The following LRRC45 variants were observed in gnomAD, a reference collection of about 807,000 sequenced individuals.
LRRC45 encodes the protein leucine rich repeat containing 45.
A neutral mutation model predicts 85.4 loss-of-function variants in LRRC45; 73 were observed. The ratio of observed to expected loss-of-function variants is 0.85; its 90% confidence interval spans 0.71 to 1.04. The LOEUF (loss-of-function observed/expected upper bound fraction) is 1.04. LRRC45 is among the 50% of genes least tolerant of loss of function. LRRC45 has a pLI of 0.00. For missense variants in LRRC45, 937 were observed against 883.3 expected (o/e 1.06, Z -0.77); for synonymous variants, 429 against 386.0 (o/e 1.11, Z -1.31).
At chr17:82,025,665 G>C (rs1422271478) in intron 5 of LRRC45, among the ~76,000 whole-genome samples, 158 bp downstream of exon 5, 2 of 152,246 alleles carry the variant, frequency 1.3e-5, no homozygotes, top group Non-Finnish European at 2.9e-5. Context: ...GCACCTGTTT[G>C]GCACTTGAAT....
rs1424505645 is a variant in LRRC45, at chr17:82,030,163, C to G, written c.1593C>G (p.Ala531=). The G allele has an allele frequency of 1.3e-6, 2 of 1,546,890 alleles. No individual in the cohort carries two copies. The highest frequency in any genetic ancestry group is 1.7e-6 in the Non-Finnish European group (2 of 1,145,768). ...GCCTACAGCAGAAGCAGGTGGTGGC[C>G]GAGGCCCAGACCCGGGTCAGCCAGC... ...GACLQQKQVV[A]EAQTRVSQLG... is the part of the protein sequence containing the mutation. The change falls in exon 15 of 17, where the codon GCC becomes GCG. Residue 531 remains alanine (A), a synonymous_variant. Transcript: ENST00000306688.
At position 82,024,078 on chromosome 17, in the gene LRRC45, T is replaced by G. The variant is rs550161671; in HGVS notation, c.221-200T>G. 7 of 736,216 alleles carry G rather than the reference T, an allele frequency of 9.5e-6. No individual in the cohort carries two copies. The South Asian group carries it at 1.1e-4, about 12-fold the overall frequency. 45.6% of individuals were successfully genotyped at this position (736,216 alleles called of 1,614,324 possible). On this transcript the variant is annotated intron_variant, in intron 1 of 16. Coordinates refer to ENST00000306688, the MANE Select transcript of LRRC45 (RefSeq NM_144999.4). ...TCGCGGTCTTACCTGGTTCCCCGCG[T>G]GCAGAGCCGGCTTGGTGCCTGGCAG... is the stretch of plus-strand genomic sequence containing the variant.
chr17:82,027,918 G>T, intron 8 of LRRC45, 93 bp from the exon 9 acceptor site: 1 of 1,531,680 alleles, frequency 6.5e-7, no homozygotes, highest in Admixed American at 1.9e-5. Flanking sequence ...GGCTGGGGTT[G>T]ACTAGGTGCC....
chr17:82,026,886 G>A lies in LRRC45; in HGVS notation c.662-13G>A. On this transcript the variant is annotated splice_polypyrimidine_tract_variant and intron_variant, in intron 5 of 16. Transcript: ENST00000306688. ...TGAGCCCCTGTGCCCAGCTGACACAGCTCCTTCTGCAGAGCAAGCCATGGG... is the reference window on the plus strand; with the variant it reads ...TGAGCCCCTGTGCCCAGCTGACACAACTCCTTCTGCAGAGCAAGCCATGGG... The A allele has an allele frequency of 6.3e-7, 1 of 1,591,900 alleles. No individual in the cohort carries two copies. Among genetic ancestry groups the A allele is most frequent in the Non-Finnish European group, 8.5e-7 (1 of 1,172,722 alleles).
In LRRC45 at chr17:82,028,566, GC is replaced by G. The variant is rs1267239371; in HGVS notation, c.1238-42del. ...TGGGGATGGGCACCGGGGGACGGGG[GC>G]CCCCAGGGGATGCTCACGCATACTC... On this transcript the variant is annotated intron_variant, in intron 11 of 16. Coordinates refer to ENST00000306688, the MANE Select transcript of LRRC45 (RefSeq NM_144999.4). 1.9e-6 allele frequency: 3 copies of G among 1,611,800 alleles called. No individual in the cohort carries two copies. In the African/African-American group the frequency reaches 4.0e-5, roughly 21 times the overall value.
chr17:82,027,484 G>A (rs2043378794), intron 7 of LRRC45, 40 bp downstream of exon 7: 1 of 1,611,788 alleles, frequency 6.2e-7, no homozygotes, highest in Non-Finnish European at 8.5e-7. Context: ...AGGCTTCAGG[G>A]ATCAGGTCCT....
chr17:82,024,929 C>T (rs1410300411), intron 3 of LRRC45, 71 bp from the exon 4 acceptor site: 15 of 1,459,212 alleles, frequency 1.0e-5, no homozygotes, highest in Middle Eastern at 1.8e-4. Context: ...AGCCCACACC[C>T]GTCCCCAAGC....
At chr17:82,028,538 G>A (rs1290622504) in intron 11 of LRRC45, 30 bp downstream of exon 11, 1 of 1,611,678 alleles carries the variant, frequency 6.2e-7, no homozygotes, top group Non-Finnish European at 8.5e-7. Context: ...CTGTGGAGGG[G>A]CCTGGGGATG....
At chr17:82,024,877 C>A in intron 3 of LRRC45, 114 bp downstream of exon 3, 2 of 1,440,338 alleles carry the variant, frequency 1.4e-6, no homozygotes, top group South Asian at 2.9e-5. Context: ...GTTTCACATA[C>A]GTTGGCAGGG....
At chr17:82,024,161 AG>A in intron 1 of LRRC45, 116 bp from the exon 2 acceptor site, 1 of 1,227,578 alleles carries the variant, frequency 8.1e-7, no homozygotes, top group Non-Finnish European at 1.1e-6. Context: ...GCGCCAACCC[AG>A]ACCATCGGGA....
chr17:82,029,569 A>ACG lies in LRRC45; in HGVS notation c.1429_1430insGC (p.Leu477ArgfsTer12). 6.3e-7 allele frequency: 1 copy of ACG among 1,577,676 alleles called. No individual in the cohort carries two copies. The highest frequency in any genetic ancestry group is 1.2e-5 in the South Asian group (1 of 86,048). ...AGCTGAGCCGAGTGAAAGCAGCGGC[A>ACG]CTCAGCGAGCGTGGCCAGGCTGAGG... On this transcript the variant is annotated frameshift_variant, in exon 14 of 17. Transcript: ENST00000306688. LOFTEE classifies it high-confidence loss of function.
rs182249942 is a variant in LRRC45 at position 82,023,547 on chromosome 17, G to T, written c.-97G>T. The stretch of plus-strand genomic sequence containing the variant: ...CTCCGCCCGGGTCGGCGGAGGCCCC[G>T]TCTCCTGTACCCGGCGCTGGGACTG... On this transcript the variant is annotated 5_prime_UTR_variant, in exon 1 of 17. Transcript: ENST00000306688. 9.2e-5 allele frequency: 107 copies of T among 1,161,082 alleles called. No homozygotes were observed. In the African/African-American group the frequency reaches 1.6e-3, roughly 18 times the overall value. The allele number at this position is 1,161,082 out of a possible 1,614,324, so 71.9% of individuals were successfully genotyped here. A position where few individuals can be genotyped will look rare whatever the true frequency, so the allele number is the denominator to read the frequency against.
intron 1 of LRRC45, 22 bp from the exon 2 acceptor site, chr17:82,024,256 A>G (rs1415442095): frequency 3.1e-6 from 5 of 1,609,776 alleles, no homozygotes; most frequent in Non-Finnish European, 4.2e-6. Flanking sequence ...GCAGAGAGTG[A>G]CCGCCGGCCC....
intron 12 of LRRC45, 88 bp from the exon 13 acceptor site, chr17:82,029,005 C>T (rs1012917409): frequency 2.5e-6 from 3 of 1,219,272 alleles, no homozygotes; most frequent in East Asian, 4.8e-5. Flanking sequence ...TCTCAAGAGA[C>T]ACCTGCCTTT....
rs770702812 is a variant in LRRC45 at position 82,029,652 on chromosome 17, C to T, written c.1494+17C>T. The T allele has an allele frequency of 7.1e-6, 11 of 1,554,000 alleles. No individual in the cohort carries two copies. The highest frequency in any genetic ancestry group is 3.9e-5 in the Admixed American group (2 of 51,800). ...CTGGAGGAGGTGAGCCACACATGTC[C>T]GCCACCCTCCGGGGGAGCCAGGCTG... On this transcript the variant is annotated intron_variant, in intron 14 of 16. Coordinates refer to ENST00000306688, the MANE Select transcript of LRRC45 (RefSeq NM_144999.4).
At chr17:82,028,537 G>A in intron 11 of LRRC45, 29 bp downstream of exon 11, 3 of 1,611,892 alleles carry the variant, frequency 1.9e-6, no homozygotes. Flanking sequence ...GCTGTGGAGG[G>A]GCCTGGGGAT....
At chr17:82,023,987 G>A (rs937649544) in intron 1 of LRRC45, 124 bp downstream of exon 1, 2 of 961,432 alleles carry the variant, frequency 2.1e-6, no homozygotes, top group Non-Finnish European at 3.1e-6. Context: ...GCGAGCAGGG[G>A]CGCCCCTTCC....
chr17:82,024,652 G>C (rs753837113), intron 2 of LRRC45, 41 bp from the exon 3 acceptor site: 1 of 1,552,386 alleles, frequency 6.4e-7, no homozygotes, highest in Admixed American at 2.0e-5. Context: ...TTCAGAGCCA[G>C]TCAGGGCACG....
chr17:82,027,551 C>T, intron 7 of LRRC45, 107 bp downstream of exon 7: 1 of 1,559,810 alleles, frequency 6.4e-7, no homozygotes, highest in Admixed American at 1.7e-5. Flanking sequence ...GAGGAGGTCG[C>T]TGGAGGCTCA....
Sources: allele counts gnomAD v4.1 joint callset (sites outside exome capture counted in the v4.1 genomes callset), GRCh38; gene constraint gnomAD v4.1.1; transcripts MANE v1.5; gene names NCBI Gene and HGNC (gene_info 2026-07-23, HGNC 2026-07-21).